The following SEMA5B variants were observed in gnomAD, a reference collection of about 807,000 sequenced individuals.
SEMA5B encodes semaphorin-5B.
A neutral mutation model predicts 135.0 loss-of-function variants in SEMA5B; 66 were observed. The observed-to-expected ratio is 0.49, with a 90% confidence interval of 0.40 to 0.60. The LOEUF (loss-of-function observed/expected upper bound fraction) is 0.60. Ranked by LOEUF, SEMA5B falls within the 20% of genes least tolerant of loss-of-function variation. The pLI is 0.00. For synonymous variants in SEMA5B, 690 were observed against 639.5 expected (o/e 1.08, Z -1.19); for missense variants, 1,501 against 1,566.3 (o/e 0.96, Z 0.70).
intron 5 of SEMA5B, among the ~76,000 whole-genome samples, chr3:122,933,090 C>G (rs1217107547): frequency 6.6e-6 from 1 of 152,010 alleles, no homozygotes; most frequent in Non-Finnish European, 1.5e-5. Flanking sequence ...CTTCCTCATC[C>G]CCCAACCTCC....
intron 21 of SEMA5B, chr3:122,911,262 A>T: frequency 7.7e-7 from 1 of 1,292,332 alleles, no homozygotes. Context: ...TGGCAACCAG[A>T]GGGTCTAGAG....
Position 122,922,384 on chromosome 3 carries a change from GCGCGTCCTGCAGGCTGCGCTC to G in SEMA5B, c.1315_1335del (p.Glu439_Ala445del), listed in dbSNP as rs1938408313. On this transcript the variant is annotated inframe_deletion, in exon 11 of 23. Coordinates refer to ENST00000357599, the MANE Select transcript of SEMA5B (RefSeq NM_001031702.4). Reference sequence around the variant, plus strand: ...GCCTCGCTCATCAGGAAGAGGCGCTGCGCGTCCTGCAGGCTGCGCTCCGTCAGGTTCTCGTTGGGACCGGTC... The same window carrying G: ...GCCTCGCTCATCAGGAAGAGGCGCTGCGTCAGGTTCTCGTTGGGACCGGTC... 1 of 1,612,188 alleles carries G rather than the reference GCGCGTCCTGCAGGCTGCGCTC, an allele frequency of 6.2e-7. No homozygotes were observed. The highest frequency in any genetic ancestry group is 8.5e-7 in the Non-Finnish European group (1 of 1,179,374).
At chr3:122,931,958 C>G (rs1428400583) in intron 5 of SEMA5B, among the ~76,000 whole-genome samples, 9 of 152,218 alleles carry the variant, frequency 5.9e-5, no homozygotes, top group Admixed American at 1.3e-4. Flanking sequence ...CATACCTGCA[C>G]AGGCATGACA....
chr3:122,966,722 T>A (rs112723483), intron 1 of SEMA5B, among the ~76,000 whole-genome samples: 9 of 149,866 alleles, frequency 6.0e-5, no homozygotes, highest in African/African-American at 2.2e-4. Flanking sequence ...GCCCAGCTAA[T>A]TTTTTGTTTG....
chr3:122,933,871 A>C (rs940045254), intron 5 of SEMA5B, among the ~76,000 whole-genome samples: 4 of 151,874 alleles, frequency 2.6e-5, no homozygotes, highest in Admixed American at 2.6e-4. Flanking sequence ...AATATTTTGT[A>C]TCTCTCAGAA....
intron 2 of SEMA5B, 25 bp downstream of exon 2, chr3:122,961,115 C>G: frequency 6.3e-7 from 1 of 1,584,848 alleles, no homozygotes; most frequent in South Asian, 1.1e-5. Context: ...GCTGCAGCCC[C>G]CCACACTCCC....
At chr3:122,952,647 A>G (rs182530643) in intron 2 of SEMA5B, among the ~76,000 whole-genome samples, 1 of 152,268 alleles carries the variant, frequency 6.6e-6, no homozygotes, top group East Asian at 1.9e-4. Flanking sequence ...CAGGGACTGG[A>G]GCACTTCCTT....
At chr3:122,950,056 A>G (rs1340138635) in intron 2 of SEMA5B, among the ~76,000 whole-genome samples, 1 of 152,234 alleles carries the variant, frequency 6.6e-6, no homozygotes, top group Non-Finnish European at 1.5e-5. Flanking sequence ...ACAGTGAGCA[A>G]GATGAATTCA....
At chr3:122,976,138 C>A in intron 1 of SEMA5B, 1 of 1,535,178 alleles carries the variant, frequency 6.5e-7, no homozygotes, top group Non-Finnish European at 8.7e-7. Context: ...TTTATACACT[C>A]TCATCACTTC....
chr3:122,949,961 G>A (rs989349508), intron 2 of SEMA5B, among the ~76,000 whole-genome samples: 1 of 152,090 alleles, frequency 6.6e-6, no homozygotes, highest in Non-Finnish European at 1.5e-5. Flanking sequence ...ATAAACTCCT[G>A]TCCTTCTGCT....
chr3:123,018,661 C>T (rs1286854911), intron 1 of SEMA5B, among the ~76,000 whole-genome samples: 5 of 152,190 alleles, frequency 3.3e-5, no homozygotes, highest in Non-Finnish European at 7.3e-5. Flanking sequence ...CAATTAAACC[C>T]CTCAGATCTT....
chr3:122,927,114 C>G (rs780416547), intron 8 of SEMA5B, among the ~76,000 whole-genome samples: 4 of 152,194 alleles, frequency 2.6e-5, no homozygotes, highest in Admixed American at 1.3e-4. Flanking sequence ...TTTGCGCCAA[C>G]CTAATAGTTA....
At chr3:122,918,997 T>A (rs985941125) in intron 12 of SEMA5B, among the ~76,000 whole-genome samples, 1 of 131,516 alleles carries the variant, frequency 7.6e-6, no homozygotes, top group African/African-American at 3.8e-5. Context: ...CCATGTCTTT[T>A]TTTTTTTTTT....
At chr3:122,969,119 A>T (rs760624808) in intron 1 of SEMA5B, among the ~76,000 whole-genome samples, 9 of 152,184 alleles carry the variant, frequency 5.9e-5, no homozygotes, top group South Asian at 2.1e-4. Context: ...ATCTCATTTC[A>T]TCCTCACCAT....
At chr3:122,979,241 C>T (rs1336080518) in intron 1 of SEMA5B, among the ~76,000 whole-genome samples, 3 of 152,158 alleles carry the variant, frequency 2.0e-5, no homozygotes, top group African/African-American at 4.8e-5. Context: ...TGGAAAGACC[C>T]GCCGAGGAGA....
intron 1 of SEMA5B, among the ~76,000 whole-genome samples, chr3:123,018,797 C>T (rs1942615604): frequency 6.6e-6 from 1 of 152,208 alleles, no homozygotes; most frequent in South Asian, 2.1e-4. Context: ...GCCTCCCTGA[C>T]AGCCTTATAT....
chr3:122,963,191 T>C (rs907180141), intron 1 of SEMA5B, among the ~76,000 whole-genome samples: 6 of 152,152 alleles, frequency 3.9e-5, no homozygotes, highest in Non-Finnish European at 5.9e-5. Flanking sequence ...CCCTCTAAAG[T>C]TATTAGAGAT....
chr3:122,917,760 T>C (rs1938143196), intron 12 of SEMA5B, among the ~76,000 whole-genome samples: 1 of 152,118 alleles, frequency 6.6e-6, no homozygotes, highest in Non-Finnish European at 1.5e-5. Context: ...GGTATCTGTT[T>C]CCAGTTTATT....
Position 122,913,965 on chromosome 3 carries a change from C to A in SEMA5B, c.2025G>T (p.Leu675=), listed in dbSNP as rs754816671. 11 of 1,610,368 alleles carry A rather than the reference C, an allele frequency of 6.8e-6. No individual in the cohort carries two copies. The highest frequency in any genetic ancestry group is 1.7e-5 in the Admixed American group (1 of 59,858). ...AGCCGATGCCACAGGACGTGCTGCA[C>A]AGCGCCCACGATGACCACGGGGTCC... ...GAWTPWSSWA[L]CSTSCGIGFQ... is the part of the protein sequence containing the mutation. The change falls in exon 15 of 23, where the codon CTG becomes CTT. Residue 675 remains leucine (L), a synonymous_variant. Coordinates refer to ENST00000357599, the MANE Select transcript of SEMA5B (RefSeq NM_001031702.4).
Sources: gnomAD v4.1 joint callset for allele counts (sites outside exome capture counted in the v4.1 genomes callset) on GRCh38, gnomAD v4.1.1 for gene constraint, MANE v1.5 for transcripts, NCBI Gene and HGNC (gene_info 2026-07-23, HGNC 2026-07-21) for gene names.